HS3ST4: variants seen among roughly 807,000 people sequenced by gnomAD.
HS3ST4 encodes heparan sulfate glucosamine 3-O-sulfotransferase 4.
Under a neutral mutation model 29.2 loss-of-function variants are expected in HS3ST4, and 17 were observed. That is an observed-to-expected ratio of 0.58 (90% CI 0.40 to 0.87). HS3ST4 has a LOEUF of 0.87. Among genes scored for constraint, HS3ST4 ranks in the 40% least tolerant of loss-of-function variants. The pLI is 0.00. For synonymous variants in HS3ST4, 314 were observed against 285.7 expected (o/e 1.10, Z -1.00); for missense variants, 627 against 634.5 (o/e 0.99, Z 0.13).
intron 1 of HS3ST4, among the ~76,000 whole-genome samples, chr16:26,056,302 C>CA (rs756296017): frequency 5.3e-5 from 8 of 152,120 alleles, no homozygotes; most frequent in African/African-American, 1.2e-4. Flanking sequence ...AACTATTGGT[C>CA]AAAAAACCAT....
chr16:26,083,419 A>G (rs1898747196), intron 1 of HS3ST4, among the ~76,000 whole-genome samples: 1 of 152,156 alleles, frequency 6.6e-6, no homozygotes, highest in Admixed American at 6.5e-5. Context: ...CTATTCATTA[A>G]TTTTATCAAA....
chr16:25,929,681 A>G (rs1968444362), intron 1 of HS3ST4, among the ~76,000 whole-genome samples: 1 of 152,270 alleles, frequency 6.6e-6, no homozygotes, highest in Admixed American at 6.5e-5. Flanking sequence ...AGGGCTTCGC[A>G]CAGGTGACCA....
chr16:25,707,530 T>A (rs1966383892), intron 1 of HS3ST4, among the ~76,000 whole-genome samples: 1 of 152,098 alleles, frequency 6.6e-6, no homozygotes, highest in Non-Finnish European at 1.5e-5. Context: ...CTATTGTAAA[T>A]GGAAGAGGGA....
intron 1 of HS3ST4, among the ~76,000 whole-genome samples, chr16:26,068,745 C>T (rs976991617): frequency 6.6e-6 from 1 of 151,932 alleles, no homozygotes; most frequent in African/African-American, 2.4e-5. Flanking sequence ...CTGTATCTAA[C>T]ATACGAGATG....
intron 1 of HS3ST4, among the ~76,000 whole-genome samples, chr16:25,746,525 A>C (rs1227057315): frequency 6.6e-6 from 1 of 151,954 alleles, no homozygotes; most frequent in Non-Finnish European, 1.5e-5. Context: ...CTTTGAGTCA[A>C]AAGTTGATGC....
intron 1 of HS3ST4, among the ~76,000 whole-genome samples, chr16:25,930,581 T>A (rs954614145): frequency 6.6e-6 from 1 of 152,198 alleles, no homozygotes; most frequent in Non-Finnish European, 1.5e-5. Context: ...GGTGTAATAA[T>A]GGCTTCAGGC....
At chr16:26,078,601 G>T (rs1487369429) in intron 1 of HS3ST4, among the ~76,000 whole-genome samples, 2 of 152,174 alleles carry the variant, frequency 1.3e-5, no homozygotes, top group Non-Finnish European at 2.9e-5. Context: ...TTGGGCTTCA[G>T]AGGGCTTAAA....
At position 25,964,177 on chromosome 16, in the gene HS3ST4, TAA is replaced by T. The variant is rs35421168; in HGVS notation, c.735-171423_735-171422del. Among the ~76,000 whole-genome samples, 149 of 135,774 alleles carry T rather than the reference TAA, an allele frequency of 1.1e-3. 1 individual carries two copies. The highest frequency in any genetic ancestry group is 3.1e-3 in the African/African-American group (114 of 37,108). The allele number at this position is 135,774 out of a possible 152,430, so 89.1% of individuals were successfully genotyped here. A position where few individuals can be genotyped will look rare whatever the true frequency, so the allele number is the denominator to read the frequency against. ...GTGACAAGATTGAAACTCCATCTCA[TAA>T]AAAAAAAAAAAGGTCCCTAGAAATG... On this transcript the variant is annotated intron_variant, in intron 1 of 1. Coordinates refer to ENST00000331351, the MANE Select transcript of HS3ST4 (RefSeq NM_006040.3).
At chr16:26,054,679 C>T (rs535252471) in intron 1 of HS3ST4, among the ~76,000 whole-genome samples, 1 of 152,288 alleles carries the variant, frequency 6.6e-6, no homozygotes, top group East Asian at 1.9e-4. Context: ...TAATTACCCC[C>T]ATCAGGGTCC....
intron 1 of HS3ST4, among the ~76,000 whole-genome samples, chr16:26,071,398 C>T (rs187276019): frequency 9.9e-5 from 15 of 152,104 alleles, no homozygotes; most frequent in Non-Finnish European, 1.9e-4. Context: ...GTTGAGGAAT[C>T]TAAGTCCAAG....
At chr16:25,874,664 C>A (rs1967810763) in intron 1 of HS3ST4, among the ~76,000 whole-genome samples, 1 of 152,150 alleles carries the variant, frequency 6.6e-6, no homozygotes, top group Non-Finnish European at 1.5e-5. Context: ...TCCTTCCATC[C>A]AGAAAATGTT....
intron 1 of HS3ST4, among the ~76,000 whole-genome samples, chr16:25,695,999 C>G (rs981883967): frequency 6.6e-6 from 1 of 152,166 alleles, no homozygotes; most frequent in Non-Finnish European, 1.5e-5. Context: ...TCCTCAGTGT[C>G]ACTCCAGTTA....
At chr16:25,794,896 T>TAC (rs59740575) in intron 1 of HS3ST4, among the ~76,000 whole-genome samples, 8,761 of 136,278 alleles carry the variant, frequency 0.064, 292 homozygotes, top group Middle Eastern at 0.095. Context: ...TACTCAAGAA[T>TAC]ACACACACAC....
At chr16:25,939,885 C>G (rs968876374) in intron 1 of HS3ST4, among the ~76,000 whole-genome samples, 1 of 152,192 alleles carries the variant, frequency 6.6e-6, no homozygotes, top group Non-Finnish European at 1.5e-5. Context: ...GACTTTTCAG[C>G]TTTGCTGCCT....
At chr16:25,936,571 C>T (rs76260227) in intron 1 of HS3ST4, among the ~76,000 whole-genome samples, 30 of 152,120 alleles carry the variant, frequency 2.0e-4, no homozygotes, top group Non-Finnish European at 3.2e-4. Flanking sequence ...ATGAATTTAG[C>T]GAGTAATTAA....
intron 1 of HS3ST4, among the ~76,000 whole-genome samples, chr16:26,107,852 A>G (rs188046926): frequency 2.0e-5 from 3 of 152,294 alleles, no homozygotes; most frequent in East Asian, 3.9e-4. Context: ...TGTGATAAAC[A>G]TACGTGTGCA....
At chr16:25,706,640 C>G (rs1205597485) in intron 1 of HS3ST4, among the ~76,000 whole-genome samples, 1 of 152,108 alleles carries the variant, frequency 6.6e-6, no homozygotes, top group African/African-American at 2.4e-5. Context: ...GTGGCCTAAC[C>G]TGCTTTCTAA....
intron 1 of HS3ST4, among the ~76,000 whole-genome samples, chr16:26,101,684 A>G (rs1305552341): frequency 5.3e-5 from 8 of 152,226 alleles, no homozygotes; most frequent in African/African-American, 1.7e-4. Context: ...TCAGTGGTTA[A>G]TGAAAGAATG....
chr16:25,736,871 T>C (rs765594317), intron 1 of HS3ST4, among the ~76,000 whole-genome samples: 2 of 151,904 alleles, frequency 1.3e-5, no homozygotes, highest in Non-Finnish European at 2.9e-5. Context: ...TTTTTGGGGA[T>C]GGAGTCTCAC....
Sources: allele counts gnomAD v4.1 joint callset (sites outside exome capture counted in the v4.1 genomes callset), GRCh38; gene constraint gnomAD v4.1.1; transcripts MANE v1.5; gene names NCBI Gene and HGNC (gene_info 2026-07-23, HGNC 2026-07-21).